The following C12orf54 variants were observed in gnomAD, a reference collection of about 807,000 sequenced individuals.
C12orf54 encodes the protein chromosome 12 open reading frame 54.
A neutral mutation model predicts 26.4 loss-of-function variants in C12orf54; 24 were observed. That is an observed-to-expected ratio of 0.91 (90% CI 0.66 to 1.28). C12orf54 has a LOEUF of 1.28. C12orf54 is among the 50% of genes most tolerant of loss of function. The pLI, the probability that C12orf54 is intolerant of heterozygous loss-of-function variation, is 0.00. For missense variants in C12orf54, 154 were observed against 150.9 expected, an observed-to-expected ratio of 1.02 and a Z score of -0.11; for synonymous variants, 54 against 47.0, an observed-to-expected ratio of 1.15 and a Z score of -0.61.
chr12:48,431,164 G>C, the C12orf54 span, among the ~76,000 whole-genome samples: 1 of 152,096 alleles, frequency 6.6e-6, no homozygotes, highest in Non-Finnish European at 1.5e-5. Context: ...TGGTGGGGGA[G>C]GGATAAAAGA....
chr12:48,457,722 C>T, the C12orf54 span, among the ~76,000 whole-genome samples: 2 of 152,158 alleles, frequency 1.3e-5, no homozygotes, highest in Non-Finnish European at 2.9e-5. Context: ...AAGCTGTGAG[C>T]CTCTCCAGTC....
intron 4 of C12orf54, chr12:48,488,510 A>G (rs1382303214): frequency 2.6e-6 from 1 of 389,796 alleles, no homozygotes; most frequent in South Asian, 2.2e-5. Flanking sequence ...GAAAGAAAAG[A>G]AAGTGCCGGA....
chr12:48,439,443 G>A, the C12orf54 span, among the ~76,000 whole-genome samples: 1 of 152,152 alleles, frequency 6.6e-6, no homozygotes, highest in Non-Finnish European at 1.5e-5. Flanking sequence ...GAAAACACAT[G>A]CACACGTATG....
chr12:48,423,426 C>T, the C12orf54 span, among the ~76,000 whole-genome samples: 1 of 151,918 alleles, frequency 6.6e-6, no homozygotes, highest in Admixed American at 6.6e-5. Flanking sequence ...AATACAAATG[C>T]TCCAAAGAAG....
At chr12:48,424,381 A>G in the C12orf54 span, among the ~76,000 whole-genome samples, 1 of 152,030 alleles carries the variant, frequency 6.6e-6, no homozygotes, top group South Asian at 2.1e-4. Flanking sequence ...ATCTGCTTCT[A>G]TGTTTTGGAA....
At chr12:48,467,050 A>T in the C12orf54 span, among the ~76,000 whole-genome samples, 1 of 152,202 alleles carries the variant, frequency 6.6e-6, no homozygotes, top group Non-Finnish European at 1.5e-5. Flanking sequence ...TTATTTGGGA[A>T]AATGGTCTTT....
the C12orf54 span, among the ~76,000 whole-genome samples, chr12:48,433,500 T>C: frequency 6.8e-6 from 1 of 147,954 alleles, no homozygotes; most frequent in Non-Finnish European, 1.5e-5. Flanking sequence ...CAGGCTGGAG[T>C]GCAGTGGCTC....
chr12:48,446,186 C>A, the C12orf54 span, among the ~76,000 whole-genome samples: 1 of 152,188 alleles, frequency 6.6e-6, no homozygotes, highest in Non-Finnish European at 1.5e-5. Context: ...CCACAACTGT[C>A]TGATCTTGTG....
the C12orf54 span, among the ~76,000 whole-genome samples, chr12:48,470,830 A>G: frequency 2.0e-5 from 3 of 151,834 alleles, no homozygotes; most frequent in African/African-American, 7.3e-5. Flanking sequence ...AATTTTTTAA[A>G]ATTTTGTGGG....
At chr12:48,438,711 G>A in the C12orf54 span, among the ~76,000 whole-genome samples, 6 of 152,210 alleles carry the variant, frequency 3.9e-5, no homozygotes, top group Non-Finnish European at 8.8e-5. Flanking sequence ...TATGTAGAAA[G>A]CTGAAACTGG....
chr12:48,490,631 T>C (rs1338752968), intron 5 of C12orf54, among the ~76,000 whole-genome samples, 181 bp from the exon 6 acceptor site: 1 of 152,162 alleles, frequency 6.6e-6, no homozygotes, highest in African/African-American at 2.4e-5. Flanking sequence ...CTAGCCTGAA[T>C]GTCAGAGCAA....
chr12:48,475,425 C>T, the C12orf54 span, among the ~76,000 whole-genome samples: 3 of 152,100 alleles, frequency 2.0e-5, no homozygotes, highest in East Asian at 1.9e-4. Context: ...GAGAAGAAGG[C>T]TTCAGAAGAT....
the C12orf54 span, chr12:48,417,181 G>A: frequency 6.6e-6 from 1 of 152,310 alleles, no homozygotes; most frequent in South Asian, 2.1e-4. Context: ...GTATGCAGAG[G>A]TGGAATCAGT....
chr12:48,454,084 CTTTT>C, the C12orf54 span, among the ~76,000 whole-genome samples: 5 of 131,892 alleles, frequency 3.8e-5, no homozygotes, highest in African/African-American at 8.1e-5. Flanking sequence ...CTCTCTCTCT[CTTTT>C]TTTGTTTGTT....
At chr12:48,469,808 C>T in the C12orf54 span, among the ~76,000 whole-genome samples, 1 of 152,158 alleles carries the variant, frequency 6.6e-6, no homozygotes, top group African/African-American at 2.4e-5. Flanking sequence ...GTGGTTTCAG[C>T]CAGTCCCTCT....
At chr12:48,485,623 T>C (rs1340965962) in intron 2 of C12orf54, among the ~76,000 whole-genome samples, 1 of 152,148 alleles carries the variant, frequency 6.6e-6, no homozygotes, top group Non-Finnish European at 1.5e-5. Context: ...GCCTCCTAGG[T>C]GACTTTGGCA....
At chr12:48,488,335 C>T in intron 4 of C12orf54, 1 of 526,574 alleles carries the variant, frequency 1.9e-6, no homozygotes, top group East Asian at 4.1e-5. Context: ...AGACAGAATG[C>T]TGTGCCCCCT....
At chr12:48,420,195 G>T in the C12orf54 span, among the ~76,000 whole-genome samples, 1 of 152,072 alleles carries the variant, frequency 6.6e-6, no homozygotes, top group Non-Finnish European at 1.5e-5. Context: ...ATAATACCCA[G>T]TGGGTGGGCA....
the C12orf54 span, among the ~76,000 whole-genome samples, chr12:48,464,777 C>T: frequency 6.6e-6 from 1 of 152,124 alleles, no homozygotes; most frequent in African/African-American, 2.4e-5. Context: ...ACACCTACAA[C>T]TATCTGATCT....
Sources: gnomAD v4.1 joint callset for allele counts (sites outside exome capture counted in the v4.1 genomes callset) on GRCh38, gnomAD v4.1.1 for gene constraint, MANE v1.5 for transcripts, NCBI Gene and HGNC (gene_info 2026-07-23, HGNC 2026-07-21) for gene names.